The following PCCA variants were observed in gnomAD, a reference collection of about 807,000 sequenced individuals.
The protein encoded by PCCA is propionyl-CoA carboxylase subunit alpha, also known as propionyl-CoA carboxylase alpha chain, mitochondrial.
PCCA carries 74 observed loss-of-function variants against 101.3 expected under a neutral mutation model. The ratio of observed to expected loss-of-function variants is 0.73; its 90% CI spans 0.61 to 0.89. The LOEUF (loss-of-function observed/expected upper bound fraction) is 0.89, where lower values mean the gene tolerates loss of function less well. Ranked by LOEUF, PCCA falls within the 40% of genes least tolerant of loss-of-function variation. PCCA has a pLI of 0.00. For missense variants in PCCA, 891 were observed against 907.0 expected (o/e 0.98, Z 0.23); for synonymous variants, 294 against 313.6 (o/e 0.94, Z 0.66).
intron 21 of PCCA, among the ~76,000 whole-genome samples, chr13:100,449,627 C>G (rs1040897823): frequency 6.6e-6 from 1 of 152,164 alleles, no homozygotes; most frequent in Non-Finnish European, 1.5e-5. Context: ...GCTGGGATTA[C>G]AGGTGCCTGC....
chr13:100,173,309 A>G (rs1305534187), intron 6 of PCCA, among the ~76,000 whole-genome samples: 1 of 152,196 alleles, frequency 6.6e-6, no homozygotes, highest in Non-Finnish European at 1.5e-5. Context: ...CACTTGTTGG[A>G]GGACTCGCTT....
chr13:100,481,148 T>A (rs2083884856), intron 21 of PCCA: 1 of 152,178 alleles, frequency 6.6e-6, no homozygotes, highest in African/African-American at 2.4e-5. Flanking sequence ...CAGCATACTT[T>A]TTTTTTTCTT....
At chr13:100,331,617 G>A (rs893381871) in intron 17 of PCCA, among the ~76,000 whole-genome samples, 6 of 152,114 alleles carry the variant, frequency 3.9e-5, no homozygotes, top group African/African-American at 1.4e-4. Flanking sequence ...GTGTTATAGA[G>A]TTTTATCATT....
chr13:100,278,073 A>T (rs1405178572), intron 12 of PCCA, among the ~76,000 whole-genome samples: 1 of 152,170 alleles, frequency 6.6e-6, no homozygotes, highest in Non-Finnish European at 1.5e-5. Flanking sequence ...CCTATATTTT[A>T]TTTTGTGACT....
At position 100,196,504 on chromosome 13, in the gene PCCA, C is replaced by T. The variant is rs193301057; in HGVS notation, c.469-12828C>T. Among the ~76,000 whole-genome samples the T allele has an allele frequency of 5.3e-5, 8 of 152,156 alleles. No homozygotes were observed. The East Asian group carries it at 9.7e-4, about 18-fold the overall frequency. ...CTGTTCTCTTTCCCTAACTAAATAC[C>T]GTACATAGCTATCATCTGGAAGTAA... On this transcript the variant is annotated intron_variant, in intron 6 of 23. Transcript: ENST00000376285.
chr13:100,447,646 T>A (rs1020335866), intron 20 of PCCA, among the ~76,000 whole-genome samples: 1 of 151,198 alleles, frequency 6.6e-6, no homozygotes, highest in African/African-American at 2.5e-5. Flanking sequence ...CGCTCCAGCC[T>A]GGGTGACAAG....
intron 6 of PCCA, among the ~76,000 whole-genome samples, chr13:100,188,404 G>T (rs1026789036): frequency 6.6e-6 from 1 of 152,182 alleles, no homozygotes; most frequent in Non-Finnish European, 1.5e-5. Context: ...CCTTTTTATG[G>T]CTGAGTGGTC....
intron 5 of PCCA, among the ~76,000 whole-genome samples, chr13:100,156,526 G>T (rs532092484): frequency 9.2e-5 from 14 of 152,320 alleles, no homozygotes; most frequent in African/African-American, 3.4e-4. Flanking sequence ...TGGCCAGTCT[G>T]GGAGAGCCAA....
chr13:100,366,713 C>T (rs897438158), intron 18 of PCCA, among the ~76,000 whole-genome samples: 1 of 152,120 alleles, frequency 6.6e-6, no homozygotes, highest in African/African-American at 2.4e-5. Context: ...GAGGCTCTAT[C>T]CCCTGAAACA....
intron 21 of PCCA, among the ~76,000 whole-genome samples, chr13:100,459,716 T>C (rs2082042897): frequency 6.6e-6 from 1 of 152,188 alleles, no homozygotes; most frequent in Non-Finnish European, 1.5e-5. Context: ...CAGTAACTGC[T>C]AAGTACAACT....
intron 16 of PCCA, among the ~76,000 whole-genome samples, chr13:100,325,024 A>G (rs1356608247): frequency 1.3e-5 from 2 of 152,182 alleles, no homozygotes; most frequent in East Asian, 1.9e-4. Flanking sequence ...GAATTACTTG[A>G]TAATATATGG....
In PCCA at chr13:100,273,292, C is replaced by A; in HGVS notation, c.1011C>A (p.Phe337Leu). ...ATTCCTCTGCTGGGACCGTGGAGTTCCTTGTGGACTCTAAGAAGAATTTTT... is the reference window on the plus strand; with the variant it reads ...ATTCCTCTGCTGGGACCGTGGAGTTACTTGTGGACTCTAAGAAGAATTTTT... Reference protein sequence around the residue: ...VKYSSAGTVEFLVDSKKNFYF... With the variant: ...VKYSSAGTVELLVDSKKNFYF... Residue 337 changes from phenylalanine (F) to leucine (L), a missense_variant, in exon 12 of 24, where the codon TTC becomes TTA. Coordinates refer to ENST00000376285, the MANE Select transcript of PCCA (RefSeq NM_000282.4). The A allele has an allele frequency of 6.2e-7, 1 of 1,612,270 alleles. No homozygotes were observed.
intron 19 of PCCA, among the ~76,000 whole-genome samples, chr13:100,408,472 C>T (rs1282867892): frequency 6.6e-6 from 1 of 152,142 alleles, no homozygotes; most frequent in African/African-American, 2.4e-5. Context: ...CAGTTTTTAT[C>T]TTCCCTTTAA....
intron 19 of PCCA, among the ~76,000 whole-genome samples, chr13:100,386,245 A>G (rs1164486441): frequency 6.6e-6 from 1 of 152,246 alleles, no homozygotes; most frequent in African/African-American, 2.4e-5. Context: ...AATGTCTAAA[A>G]GTAACTTACT....
At chr13:100,153,943 A>G (rs903394226) in intron 4 of PCCA, among the ~76,000 whole-genome samples, 1 of 152,192 alleles carries the variant, frequency 6.6e-6, no homozygotes, top group Non-Finnish European at 1.5e-5. Context: ...CTAAAAGACT[A>G]CTTTTTTAGT....
chr13:100,494,061 C>T (rs1343420900), intron 21 of PCCA, among the ~76,000 whole-genome samples: 8 of 151,988 alleles, frequency 5.3e-5, no homozygotes, highest in African/African-American at 9.7e-5. Context: ...TGGTGGTGCA[C>T]GCCTGTAATC....
intron 6 of PCCA, among the ~76,000 whole-genome samples, chr13:100,182,081 AT>A (rs2152431962): frequency 8.4e-6 from 1 of 119,610 alleles, no homozygotes; most frequent in Non-Finnish European, 1.8e-5. Context: ...AGTTACTAAT[AT>A]TGTTTTTTTC....
chr13:100,323,317 C>G (rs916811395), intron 16 of PCCA, among the ~76,000 whole-genome samples: 1 of 146,644 alleles, frequency 6.8e-6, no homozygotes, highest in Admixed American at 6.8e-5. Flanking sequence ...GAGCTCCATT[C>G]TTTTTTTTTT....
chr13:100,205,437 A>G (rs985179011), intron 6 of PCCA, among the ~76,000 whole-genome samples: 1 of 152,058 alleles, frequency 6.6e-6, no homozygotes, highest in Non-Finnish European at 1.5e-5. Flanking sequence ...ATAAAAAGGA[A>G]GTTAAGTCTT....
Sources: allele counts gnomAD v4.1 joint callset (sites outside exome capture counted in the v4.1 genomes callset), GRCh38; gene constraint gnomAD v4.1.1; transcripts MANE v1.5; gene names NCBI Gene and HGNC (gene_info 2026-07-23, HGNC 2026-07-21).